The following PRKCA variants were observed in gnomAD, a reference collection of about 807,000 sequenced individuals.
The protein encoded by PRKCA is protein kinase C alpha.
PRKCA carries 27 observed loss-of-function variants against 87.0 expected under a neutral mutation model. The ratio of observed to expected loss-of-function variants is 0.31; its 90% CI spans 0.23 to 0.43. PRKCA has a LOEUF of 0.43. Among genes scored for constraint, PRKCA ranks in the 20% least tolerant of loss-of-function variants. The pLI is 1.00. For synonymous variants in PRKCA, 329 were observed against 311.1 expected, an observed-to-expected ratio of 1.06 and a Z score of -0.61; for missense variants, 518 against 852.3, an observed-to-expected ratio of 0.61 and a Z score of 4.88.
intron 16 of PRKCA, among the ~76,000 whole-genome samples, chr17:66,798,462 T>TGAC (rs1975741994): frequency 1.3e-5 from 1 of 77,620 alleles, no homozygotes; most frequent in Non-Finnish European, 2.4e-5. Context: ...ACGGTGGTGG[T>TGAC]GGTGGTGGTG....
chr17:66,797,462 C>T (rs955860566), intron 16 of PRKCA, among the ~76,000 whole-genome samples: 2 of 152,202 alleles, frequency 1.3e-5, no homozygotes, highest in Admixed American at 6.5e-5. Flanking sequence ...AACGTTCCTT[C>T]GTCCCTCAGA....
chr17:66,620,110 A>C (rs1220257509), intron 3 of PRKCA, among the ~76,000 whole-genome samples: 1 of 152,236 alleles, frequency 6.6e-6, no homozygotes, highest in Non-Finnish European at 1.5e-5. Context: ...TTCAAAGAGC[A>C]GCCCTTCCTC....
intron 3 of PRKCA, among the ~76,000 whole-genome samples, chr17:66,526,204 T>C (rs1181336694): frequency 6.6e-6 from 1 of 152,204 alleles, no homozygotes; most frequent in Non-Finnish European, 1.5e-5. Flanking sequence ...TATATGTATA[T>C]CCGAAAATTA....
chr17:66,747,000 TGTGTCCCGAGAACCCCCTACTGCA>T (rs1974304757), intron 13 of PRKCA, among the ~76,000 whole-genome samples: 2 of 152,226 alleles, frequency 1.3e-5, no homozygotes. Context: ...GCTTCTGGCC[TGTGTCCCGAGAACCCCCTACTGCA>T]GTGAGAGCAA....
intron 8 of PRKCA, among the ~76,000 whole-genome samples, chr17:66,716,405 C>G (rs1051291018): frequency 6.6e-6 from 1 of 152,140 alleles, no homozygotes; most frequent in Non-Finnish European, 1.5e-5. Context: ...GCGCACTGGG[C>G]CTTCCTCTAA....
At chr17:66,424,568 A>ACACACAC (rs1598660738) in intron 2 of PRKCA, among the ~76,000 whole-genome samples, 1 of 141,950 alleles carries the variant, frequency 7.0e-6, no homozygotes, top group Non-Finnish European at 1.5e-5. Flanking sequence ...CCCTGTCTCA[A>ACACACAC]ACACACACAC....
intron 3 of PRKCA, among the ~76,000 whole-genome samples, chr17:66,628,300 A>G (rs1015742787): frequency 6.6e-6 from 1 of 152,168 alleles, no homozygotes; most frequent in South Asian, 2.1e-4. Context: ...TGCTCATGGT[A>G]GTGTTATTCA....
At chr17:66,783,992 G>C (rs958707620) in intron 14 of PRKCA, among the ~76,000 whole-genome samples, 1 of 152,214 alleles carries the variant, frequency 6.6e-6, no homozygotes, top group Non-Finnish European at 1.5e-5. Flanking sequence ...CTCCGCTGTC[G>C]CATCTGGAAA....
chr17:66,365,732 G>A (rs1333918190), intron 2 of PRKCA, among the ~76,000 whole-genome samples: 6 of 152,104 alleles, frequency 3.9e-5, no homozygotes, highest in African/African-American at 7.2e-5. Context: ...GAAAACAGAC[G>A]TATGAATGTT....
intron 3 of PRKCA, among the ~76,000 whole-genome samples, chr17:66,534,802 C>A (rs1017441656): frequency 1.3e-5 from 2 of 152,172 alleles, no homozygotes; most frequent in Non-Finnish European, 2.9e-5. Flanking sequence ...TTGACTCTCT[C>A]CTGTATGATT....
At chr17:66,510,975 G>A (rs1401518380) in intron 3 of PRKCA, among the ~76,000 whole-genome samples, 1 of 152,044 alleles carries the variant, frequency 6.6e-6, no homozygotes, top group Non-Finnish European at 1.5e-5. Context: ...TCGAACTCCG[G>A]TACTCCGGTG....
At chr17:66,698,589 A>G (rs1226731276) in intron 8 of PRKCA, among the ~76,000 whole-genome samples, 7 of 152,162 alleles carry the variant, frequency 4.6e-5, no homozygotes, top group African/African-American at 1.7e-4. Flanking sequence ...AAGAAAGCCT[A>G]TGGGATTTAT....
At chr17:66,388,695 G>A (rs902633256) in intron 2 of PRKCA, among the ~76,000 whole-genome samples, 3 of 152,148 alleles carry the variant, frequency 2.0e-5, no homozygotes, top group African/African-American at 7.2e-5. Context: ...CCAAACACGT[G>A]CATGCAAGTT....
intron 2 of PRKCA, among the ~76,000 whole-genome samples, chr17:66,402,561 C>T (rs1351696030): frequency 6.6e-6 from 1 of 151,954 alleles, no homozygotes; most frequent in African/African-American, 2.4e-5. Context: ...TCAAAGAGCT[C>T]ATCAAATCCA....
chr17:66,651,923 A>C (rs1971600611), intron 5 of PRKCA, among the ~76,000 whole-genome samples: 1 of 152,082 alleles, frequency 6.6e-6, no homozygotes, highest in Non-Finnish European at 1.5e-5. Context: ...CTCCCACCTA[A>C]TGGTTTTAAC....
intron 9 of PRKCA, among the ~76,000 whole-genome samples, chr17:66,734,422 C>G (rs1174237326): frequency 6.6e-6 from 1 of 152,290 alleles, no homozygotes; most frequent in East Asian, 1.9e-4. Context: ...ATCTTTTAGA[C>G]TATATAAGGT....
intron 3 of PRKCA, among the ~76,000 whole-genome samples, chr17:66,551,536 G>A (rs741141): frequency 0.15 from 22,393 of 152,254 alleles, 1,686 homozygotes; most frequent in East Asian, 0.19. Context: ...AAGAGAGGGC[G>A]AGCCAGACGA....
chr17:66,705,799 ACAAGTCTTCATGGCT>A (rs1351668370), intron 8 of PRKCA, among the ~76,000 whole-genome samples: 1 of 152,176 alleles, frequency 6.6e-6, no homozygotes, highest in Admixed American at 6.5e-5. Flanking sequence ...AAACATTGGC[ACAAGTCTTCATGGCT>A]CTATCTCAAG....
At chr17:66,789,401 G>A (rs144804731) in intron 16 of PRKCA, among the ~76,000 whole-genome samples, 26 of 152,340 alleles carry the variant, frequency 1.7e-4, no homozygotes, top group Admixed American at 5.2e-4. Context: ...AGGGAGCTCT[G>A]AAGCACAACC....
Sources: allele counts gnomAD v4.1 joint callset (sites outside exome capture counted in the v4.1 genomes callset), GRCh38; gene constraint gnomAD v4.1.1; transcripts MANE v1.5; gene names NCBI Gene and HGNC (gene_info 2026-07-23, HGNC 2026-07-21).